ROBO2: variants seen among roughly 807,000 people sequenced by gnomAD.
The protein encoded by ROBO2 is roundabout guidance receptor 2.
In ROBO2, 53 loss-of-function variants were observed where a neutral mutation model predicts 160.8. That is an observed-to-expected ratio of 0.33 (90% CI 0.26 to 0.41). ROBO2 has a LOEUF of 0.41. ROBO2 is among the 10% of genes least tolerant of loss of function. ROBO2 has a pLI of 1.00. For missense variants in ROBO2, 1,577 were observed against 1,722.4 expected (o/e 0.92, Z 1.49); for synonymous variants, 664 against 611.7 (o/e 1.09, Z -1.26).
chr3:76,090,609 C>T (rs4856007), intron 2 of ROBO2, among the ~76,000 whole-genome samples: 83,322 of 151,978 alleles, frequency 0.55, 23,282 homozygotes, highest in Middle Eastern at 0.69. Context: ...AGTGTTTATA[C>T]AGACAAGCAA....
At chr3:76,608,937 C>T (rs532284457) in intron 2 of ROBO2, among the ~76,000 whole-genome samples, 4 of 152,192 alleles carry the variant, frequency 2.6e-5, no homozygotes, top group South Asian at 4.1e-4. Context: ...AACCTTTCCC[C>T]GAGCCTCCAA....
At chr3:76,454,648 G>T (rs979950719) in intron 2 of ROBO2, among the ~76,000 whole-genome samples, 2 of 152,064 alleles carry the variant, frequency 1.3e-5, no homozygotes, top group Non-Finnish European at 2.9e-5. Flanking sequence ...CTGTTATTCT[G>T]TGTGAGGAAT....
chr3:77,040,021 G>T (rs1239814248), exon 1 of ROBO2: 3 of 816,840 alleles, frequency 3.7e-6, no homozygotes, highest in Non-Finnish European at 4.4e-6. Context: ...GCACCGCGGG[G>T]GTGTCTGCAG....
chr3:77,247,337 CAG>C (rs2089840993), intron 2 of ROBO2, among the ~76,000 whole-genome samples: 1 of 152,134 alleles, frequency 6.6e-6, no homozygotes, highest in Admixed American at 6.5e-5. Context: ...GAGAAATCAG[CAG>C]ACTCTATTTA....
At chr3:77,401,176 A>G (rs1354850266) in intron 2 of ROBO2, among the ~76,000 whole-genome samples, 1 of 152,060 alleles carries the variant, frequency 6.6e-6, no homozygotes, top group East Asian at 1.9e-4. Flanking sequence ...CAGTTTATTG[A>G]AAAATCCTGC....
chr3:77,381,728 G>GA (rs1277323614), intron 2 of ROBO2, among the ~76,000 whole-genome samples: 2 of 152,194 alleles, frequency 1.3e-5, no homozygotes, highest in Non-Finnish European at 2.9e-5. Context: ...CATCATCATT[G>GA]AAAATCTCAG....
intron 2 of ROBO2, among the ~76,000 whole-genome samples, chr3:76,848,113 C>A (rs2148514846): frequency 6.6e-6 from 1 of 152,212 alleles, no homozygotes; most frequent in East Asian, 1.9e-4. Context: ...TCTTTCATCC[C>A]TTTTTGTTCT....
chr3:75,962,146 A>C (rs1020565895), intron 2 of ROBO2, among the ~76,000 whole-genome samples: 4 of 151,706 alleles, frequency 2.6e-5, no homozygotes, highest in African/African-American at 9.7e-5. Flanking sequence ...TGGATTAAAC[A>C]AAATGTGAAG....
At chr3:76,111,632 C>A (rs2070235543) in intron 2 of ROBO2, among the ~76,000 whole-genome samples, 1 of 152,006 alleles carries the variant, frequency 6.6e-6, no homozygotes, top group Non-Finnish European at 1.5e-5. Context: ...TTTCATCACA[C>A]AGGAGGTTTG....
At chr3:76,040,727 C>T (rs922887694) in intron 2 of ROBO2, among the ~76,000 whole-genome samples, 1 of 152,052 alleles carries the variant, frequency 6.6e-6, no homozygotes, top group African/African-American at 2.4e-5. Context: ...GGGGCTCATG[C>T]CTGTAATCCC....
At chr3:76,635,489 A>G (rs2090282121) in intron 2 of ROBO2, among the ~76,000 whole-genome samples, 1 of 152,212 alleles carries the variant, frequency 6.6e-6, no homozygotes, top group Non-Finnish European at 1.5e-5. Flanking sequence ...TGAATGACAT[A>G]TTGTACGTAA....
intron 2 of ROBO2, among the ~76,000 whole-genome samples, chr3:76,113,185 T>C (rs1002927129): frequency 6.6e-6 from 1 of 152,166 alleles, no homozygotes; most frequent in African/African-American, 2.4e-5. Context: ...TAAAGACTTA[T>C]GTAATTATTC....
chr3:76,967,113 G>A (rs1014190138), intron 2 of ROBO2, among the ~76,000 whole-genome samples: 3 of 152,058 alleles, frequency 2.0e-5, no homozygotes, highest in East Asian at 1.9e-4. Context: ...TTTTACAGAC[G>A]CAGATACACA....
chr3:77,063,046 A>G (rs570269432), intron 1 of ROBO2, among the ~76,000 whole-genome samples: 1 of 152,318 alleles, frequency 6.6e-6, no homozygotes, highest in African/African-American at 2.4e-5. Context: ...ACAGGCAGCT[A>G]AGGCCTACTG....
At chr3:76,142,746 G>A (rs751789334) in intron 2 of ROBO2, among the ~76,000 whole-genome samples, 44 of 151,888 alleles carry the variant, frequency 2.9e-4, no homozygotes, top group Non-Finnish European at 4.0e-4. Flanking sequence ...TTGATGGCAC[G>A]ATAGGGTGAC....
intron 2 of ROBO2, among the ~76,000 whole-genome samples, chr3:77,321,640 T>G (rs915565996): frequency 1.3e-5 from 2 of 152,182 alleles, no homozygotes; most frequent in Non-Finnish European, 2.9e-5. Context: ...AGAGATTAGT[T>G]GAGTGTTACA....
rs561585800 is a variant in ROBO2 at position 77,304,529 on chromosome 3, G to T, written c.389-172885G>T. On this transcript the variant is annotated intron_variant, in intron 2 of 25. Coordinates refer to ENST00000461745, the Ensembl canonical transcript of ROBO2. ...TATATTACTGCAGAGGCTTTTCAGG[G>T]CTGCCAGCGCACTCAACTTACAAAT... is the stretch of plus-strand genomic sequence containing the variant. Among the ~76,000 whole-genome samples, 19 of 152,228 alleles carry T rather than the reference G, an allele frequency of 1.2e-4. 1 individual carries two copies. In the South Asian group the frequency reaches 4.0e-3, roughly 32 times the overall value.
chr3:76,018,576 G>T (rs559501840), intron 2 of ROBO2, among the ~76,000 whole-genome samples: 1 of 151,644 alleles, frequency 6.6e-6, no homozygotes, highest in South Asian at 2.1e-4. Flanking sequence ...TTTTAAATAT[G>T]CTTTCCTATT....
chr3:76,666,016 T>TA (rs1314573674), intron 2 of ROBO2, among the ~76,000 whole-genome samples: 1 of 122,134 alleles, frequency 8.2e-6, no homozygotes, highest in African/African-American at 2.9e-5. Flanking sequence ...TATATACATA[T>TA]TATATATTAT....
Sources: gnomAD v4.1 joint callset for allele counts (sites outside exome capture counted in the v4.1 genomes callset) on GRCh38, gnomAD v4.1.1 for gene constraint, MANE v1.5 for transcripts, NCBI Gene and HGNC (gene_info 2026-07-23, HGNC 2026-07-21) for gene names.